The following TBC1D9 variants were observed in gnomAD, a reference collection of about 807,000 sequenced individuals.
TBC1D9 encodes the protein TBC1 domain family member 9A.
TBC1D9 carries 63 observed loss-of-function variants against 132.0 expected under a neutral mutation model. That is an observed-to-expected ratio of 0.48 (90% CI 0.39 to 0.59). The LOEUF (loss-of-function observed/expected upper bound fraction) is 0.59. Among genes scored for constraint, TBC1D9 ranks in the 20% least tolerant of loss-of-function variants. The pLI is 0.00. For synonymous variants in TBC1D9, 610 were observed against 609.9 expected (o/e 1.00, Z 0.00); for missense variants, 1,261 against 1,592.7 (o/e 0.79, Z 3.54).
intron 1 of TBC1D9, among the ~76,000 whole-genome samples, chr4:140,705,434 C>T (rs1738135728): frequency 6.6e-6 from 1 of 151,652 alleles, no homozygotes; most frequent in African/African-American, 2.4e-5. Context: ...TATTTTGGAC[C>T]CACAGGCCCT....
chr4:140,664,773 A>G (rs542527382), intron 9 of TBC1D9, among the ~76,000 whole-genome samples: 1 of 152,296 alleles, frequency 6.6e-6, no homozygotes, highest in East Asian at 1.9e-4. Context: ...CCATACGGAA[A>G]AGAATGAATT....
rs1375021552 is a variant in TBC1D9, at chr4:140,634,115, T to G, written c.2579A>C (p.Tyr860Ser). ...GAAGTCAATGCGATACTGTTCCAGG[T>G]AGGGCAGGCTGGGGTCATGCCGGTC... Reference protein sequence around the residue: ...ALDRHDPSLPYLEQYRIDFEQ... With the variant: ...ALDRHDPSLPSLEQYRIDFEQ... Residue 860 changes from tyrosine to serine, a missense_variant, in exon 16 of 21, where the codon TAC becomes TCC. Transcript: ENST00000442267. 2 of 1,613,994 alleles carry G rather than the reference T, an allele frequency of 1.2e-6. No homozygotes were observed. The highest frequency in any genetic ancestry group is 1.7e-5 in the Admixed American group (1 of 60,028).
At chr4:140,699,261 C>A (rs1481141065) in intron 2 of TBC1D9, among the ~76,000 whole-genome samples, 1 of 152,064 alleles carries the variant, frequency 6.6e-6, no homozygotes, top group South Asian at 2.1e-4. Flanking sequence ...CAAGAGAATT[C>A]TCCATAAATT....
chr4:140,753,716 AT>A, intron 1 of TBC1D9, among the ~76,000 whole-genome samples: 1 of 152,224 alleles, frequency 6.6e-6, no homozygotes, highest in East Asian at 1.9e-4. Context: ...TTTTACTTTA[AT>A]TTATGTGATT....
chr4:140,743,389 G>A (rs146563920), intron 1 of TBC1D9, among the ~76,000 whole-genome samples: 3 of 152,130 alleles, frequency 2.0e-5, no homozygotes, highest in Non-Finnish European at 2.9e-5. Flanking sequence ...TTCATAACGG[G>A]TGCTAAAACG....
chr4:140,709,706 C>T lies in TBC1D9; in HGVS notation c.131-8092G>A, dbSNP rs1410543252. Among the ~76,000 whole-genome samples, 3 of 152,216 alleles carry T rather than the reference C, an allele frequency of 2.0e-5. No individual in the cohort carries two copies. The East Asian group carries it at 5.8e-4, about 29-fold the overall frequency. ...ACTGGTTTCATGGAAGACAATTTTT[C>T]CATGGACCAGAGTTGGGGGTGGGGT... is the stretch of plus-strand genomic sequence containing the variant. On this transcript the variant is annotated intron_variant, in intron 1 of 20. Coordinates refer to ENST00000442267, the MANE Select transcript of TBC1D9 (RefSeq NM_015130.3).
intron 13 of TBC1D9, chr4:140,642,681 C>T: frequency 3.0e-6 from 2 of 673,554 alleles, no homozygotes; most frequent in Non-Finnish European, 5.3e-6. Context: ...CTGGCTTTCC[C>T]TGTTCCAATA....
intron 1 of TBC1D9, among the ~76,000 whole-genome samples, chr4:140,728,293 C>T (rs1738530550): frequency 6.6e-6 from 1 of 151,796 alleles, no homozygotes; most frequent in Non-Finnish European, 1.5e-5. Context: ...CCATATTCTG[C>T]ACCAGTCAGG....
intron 1 of TBC1D9, among the ~76,000 whole-genome samples, chr4:140,753,558 C>G (rs549831390): frequency 1.3e-5 from 2 of 152,372 alleles, no homozygotes; most frequent in Admixed American, 6.5e-5. Context: ...TCTTCCCTGG[C>G]TCCAGCTCTC....
chr4:140,689,317 G>A (rs185169983), intron 2 of TBC1D9, among the ~76,000 whole-genome samples: 33 of 152,060 alleles, frequency 2.2e-4, no homozygotes, highest in African/African-American at 7.5e-4. Context: ...CTTGGTTGTC[G>A]TGGATAGAAA....
chr4:140,736,501 C>T (rs1489586075), intron 1 of TBC1D9, among the ~76,000 whole-genome samples: 1 of 152,026 alleles, frequency 6.6e-6, no homozygotes, highest in Non-Finnish European at 1.5e-5. Context: ...GATCATGCCG[C>T]TGTACTCCAC....
At chr4:140,687,699 T>C (rs1461565834) in intron 2 of TBC1D9, among the ~76,000 whole-genome samples, 5 of 151,922 alleles carry the variant, frequency 3.3e-5, no homozygotes, top group Admixed American at 2.0e-4. Flanking sequence ...TCAGATACAC[T>C]GAGGAAAGGC....
Position 140,669,703 on chromosome 4 carries a change from G to A in TBC1D9, c.1368C>T (p.Val456=). 6.2e-7 allele frequency: 1 copy of A among 1,614,000 alleles called. No homozygotes were observed. ...TCATCAGGGTCTGTGTGGCTGTGGGGACGCTGTTGCCATTTAGGTTAAACT... is the reference window on the plus strand; with the variant it reads ...TCATCAGGGTCTGTGTGGCTGTGGGAACGCTGTTGCCATTTAGGTTAAACT... ...ERQFNLNGNS[V]PTATQTLMTM... The change falls in exon 8 of 21, where the codon GTC becomes GTT. Residue 456 remains valine, a synonymous_variant. Transcript: ENST00000442267.
intron 18 of TBC1D9, among the ~76,000 whole-genome samples, chr4:140,626,139 G>A (rs1476529449): frequency 6.6e-6 from 1 of 152,108 alleles, no homozygotes; most frequent in African/African-American, 2.4e-5. Context: ...GACTGCTAAT[G>A]GTATTAGGTT....
intron 1 of TBC1D9, among the ~76,000 whole-genome samples, chr4:140,730,278 A>G (rs1738566167): frequency 6.6e-6 from 1 of 152,192 alleles, no homozygotes; most frequent in Non-Finnish European, 1.5e-5. Context: ...GTGTTTGTCA[A>G]CGGGCCACTC....
chr4:140,744,254 C>A (rs11931549), intron 1 of TBC1D9, among the ~76,000 whole-genome samples: 1 of 151,982 alleles, frequency 6.6e-6, no homozygotes, highest in Admixed American at 6.6e-5. Flanking sequence ...CTACTGCCCA[C>A]CCCAACACAT....
intron 13 of TBC1D9, among the ~76,000 whole-genome samples, chr4:140,640,271 C>G (rs538584097): frequency 1.3e-5 from 2 of 150,214 alleles, no homozygotes; most frequent in African/African-American, 2.5e-5. Flanking sequence ...AAAGGGGCAA[C>G]AGGGGGAAGA....
Position 140,679,652 on chromosome 4 carries a change from G to A in TBC1D9, c.552C>T (p.Asn184=), listed in dbSNP as rs1411802085. The part of the protein sequence containing the change: ...PRQGWMYLSI[N]HLCFYSFLMG... ...TAAGAAAAGAATAAAAGCAAAGGTGGTTAATGCTGAGGTACATCCAACCCT... is the reference window on the plus strand; with the variant it reads ...TAAGAAAAGAATAAAAGCAAAGGTGATTAATGCTGAGGTACATCCAACCCT... The change falls in exon 4 of 21, where the codon AAC becomes AAT. Residue 184 remains asparagine, a synonymous_variant. Transcript: ENST00000442267. The A allele has an allele frequency of 6.2e-7, 1 of 1,613,624 alleles. No individual in the cohort carries two copies. Among genetic ancestry groups the A allele is most frequent in the Non-Finnish European group, 8.5e-7 (1 of 1,179,774 alleles).
intron 1 of TBC1D9, among the ~76,000 whole-genome samples, chr4:140,742,237 C>A (rs867856364): frequency 6.6e-6 from 1 of 151,926 alleles, no homozygotes; most frequent in South Asian, 2.1e-4. Flanking sequence ...TTGCAGAACA[C>A]CTTAAAAAAT....
Sources: allele counts gnomAD v4.1 joint callset (sites outside exome capture counted in the v4.1 genomes callset), GRCh38; gene constraint gnomAD v4.1.1; transcripts MANE v1.5; gene names NCBI Gene and HGNC (gene_info 2026-07-23, HGNC 2026-07-21).